SCAMP1: variants seen among roughly 807,000 people sequenced by gnomAD.
SCAMP1 encodes secretory carrier membrane protein 1.
Under a neutral mutation model 41.8 loss-of-function variants are expected in SCAMP1, and 15 were observed. The observed-to-expected ratio is 0.36, with a 90% CI of 0.24 to 0.55. The LOEUF (loss-of-function observed/expected upper bound fraction) is 0.55. Ranked by LOEUF, SCAMP1 falls within the 20% of genes least tolerant of loss-of-function variation. The pLI, the probability that SCAMP1 is intolerant of heterozygous loss-of-function variation, is 0.86. For synonymous variants in SCAMP1, 135 were observed against 136.8 expected, an observed-to-expected ratio of 0.99 and a Z score of 0.09; for missense variants, 341 against 412.6, an observed-to-expected ratio of 0.83 and a Z score of 1.50.
intron 8 of SCAMP1, among the ~76,000 whole-genome samples, chr5:78,465,846 T>G (rs1753732196): frequency 6.6e-6 from 1 of 152,226 alleles, no homozygotes; most frequent in African/African-American, 2.4e-5. Flanking sequence ...GTGGGATTTC[T>G]TCTTCCTCAG....
chr5:78,416,698 A>G (rs1162124790), intron 4 of SCAMP1, 49 bp downstream of exon 4: 15 of 1,363,400 alleles, frequency 1.1e-5, no homozygotes, highest in African/African-American at 4.4e-5. Flanking sequence ...AATACTTTAC[A>G]TTATGTCTAT....
At chr5:78,422,339 C>A (rs1752358162) in intron 6 of SCAMP1, among the ~76,000 whole-genome samples, 1 of 150,862 alleles carries the variant, frequency 6.6e-6, no homozygotes. Flanking sequence ...TTTAAATTAA[C>A]CTAAGTAAGG....
rs184605163 is a variant in SCAMP1 at position 78,389,614 on chromosome 5, T to G, written c.135+700T>G. Reference sequence around the variant, plus strand: ...ATAAAATGTACAAGTATGAAAAAAATCCTCATAAAACAGTGTTTTGCTACT... The same window carrying G: ...ATAAAATGTACAAGTATGAAAAAAAGCCTCATAAAACAGTGTTTTGCTACT... On this transcript the variant is annotated intron_variant, in intron 2 of 8. Transcript: ENST00000621999. Among the ~76,000 whole-genome samples the G allele has an allele frequency of 4.5e-4, 69 of 152,166 alleles. No individual in the cohort carries two copies. The East Asian group carries it at 0.013, about 28-fold the overall frequency.
chr5:78,424,696 G>A (rs1752422766), intron 6 of SCAMP1, among the ~76,000 whole-genome samples: 2 of 152,036 alleles, frequency 1.3e-5, no homozygotes, highest in African/African-American at 4.8e-5. Context: ...CTCCAGCCTG[G>A]GCGACAGAGT....
chr5:78,467,421 GT>G (rs1473394423), intron 8 of SCAMP1, among the ~76,000 whole-genome samples: 1 of 152,116 alleles, frequency 6.6e-6, no homozygotes, highest in Admixed American at 6.6e-5. Flanking sequence ...TTGACCAGCA[GT>G]TTTTTTCCTT....
chr5:78,444,603 C>A (rs1753009670), intron 6 of SCAMP1, among the ~76,000 whole-genome samples: 1 of 152,118 alleles, frequency 6.6e-6, no homozygotes, highest in African/African-American at 2.4e-5. Flanking sequence ...TATTCTAATG[C>A]CTGTACACCA....
chr5:78,428,685 A>G (rs1328110988), intron 6 of SCAMP1, among the ~76,000 whole-genome samples: 1 of 152,132 alleles, frequency 6.6e-6, no homozygotes, highest in Non-Finnish European at 1.5e-5. Context: ...ATAGGGATTG[A>G]GTTAACACTG....
intron 7 of SCAMP1, among the ~76,000 whole-genome samples, chr5:78,456,831 G>A (rs1303738678): frequency 1.0e-5 from 1 of 99,448 alleles, no homozygotes; most frequent in Non-Finnish European, 2.0e-5. Flanking sequence ...CCAATCAGAC[G>A]TAGATTAGGT....
chr5:78,441,561 C>G (rs569203473), intron 6 of SCAMP1, among the ~76,000 whole-genome samples: 36 of 152,350 alleles, frequency 2.4e-4, no homozygotes, highest in Admixed American at 5.2e-4. Context: ...TGCCTGTAAT[C>G]CCAGCACTTT....
chr5:78,454,980 T>C (rs1490155745), intron 7 of SCAMP1, among the ~76,000 whole-genome samples: 13 of 152,200 alleles, frequency 8.5e-5, no homozygotes, highest in Admixed American at 1.3e-4. Context: ...TAGAGGTGTT[T>C]GTAGTATTCT....
At chr5:78,445,483 A>G (rs184994628) in intron 6 of SCAMP1, among the ~76,000 whole-genome samples, 22 of 152,338 alleles carry the variant, frequency 1.4e-4, no homozygotes, top group Admixed American at 1.4e-3. Context: ...GGTTAAATCA[A>G]TGTATAGTGT....
At chr5:78,400,108 C>G (rs1385565702) in intron 2 of SCAMP1, among the ~76,000 whole-genome samples, 1 of 152,152 alleles carries the variant, frequency 6.6e-6, no homozygotes, top group Non-Finnish European at 1.5e-5. Flanking sequence ...TAATTTTGCT[C>G]TAGCACCATT....
chr5:78,416,349 GAACCC>G (rs1752207769), intron 3 of SCAMP1, among the ~76,000 whole-genome samples, 187 bp from the exon 4 acceptor site: 1 of 152,040 alleles, frequency 6.6e-6, no homozygotes. Context: ...AGAGTTTCTG[GAACCC>G]AAAGACCAAA....
intron 6 of SCAMP1, among the ~76,000 whole-genome samples, chr5:78,438,411 G>T (rs967441141): frequency 6.6e-6 from 1 of 152,148 alleles, no homozygotes; most frequent in Non-Finnish European, 1.5e-5. Context: ...CTGGTACGTT[G>T]TGTCTTTGTT....
intron 8 of SCAMP1, among the ~76,000 whole-genome samples, chr5:78,462,233 TG>T: frequency 7.1e-6 from 1 of 140,318 alleles, no homozygotes; most frequent in East Asian, 2.2e-4. Context: ...GTGTGTCTAT[TG>T]TAAATGGGAT....
intron 1 of SCAMP1, among the ~76,000 whole-genome samples, chr5:78,382,790 T>C (rs951310848): frequency 1.2e-4 from 15 of 122,190 alleles, no homozygotes; most frequent in African/African-American, 4.5e-4. Flanking sequence ...TGTGTGTGTG[T>C]GTGTGTGTGT....
chr5:78,472,409 G>A (rs935616352), intron 8 of SCAMP1, among the ~76,000 whole-genome samples: 9 of 151,112 alleles, frequency 6.0e-5, no homozygotes, highest in East Asian at 1.9e-4. Context: ...CCCAAGTTGT[G>A]TAATTTTTTA....
At chr5:78,420,222 AT>A (rs1399171922) in intron 5 of SCAMP1, among the ~76,000 whole-genome samples, 2 of 152,120 alleles carry the variant, frequency 1.3e-5, no homozygotes, top group South Asian at 2.1e-4. Context: ...CGCCTGGCTA[AT>A]TTTTGTATTT....
intron 1 of SCAMP1, among the ~76,000 whole-genome samples, chr5:78,366,920 C>CAA (rs70998000): frequency 8.3e-4 from 93 of 111,438 alleles, no homozygotes; most frequent in South Asian, 6.7e-3. Flanking sequence ...GACCCTGTCT[C>CAA]AAAAAAAAAA....
Sources: gnomAD v4.1 joint callset for allele counts (sites outside exome capture counted in the v4.1 genomes callset) on GRCh38, gnomAD v4.1.1 for gene constraint, MANE v1.5 for transcripts, NCBI Gene and HGNC (gene_info 2026-07-23, HGNC 2026-07-21) for gene names.